Variants in EPHA6 observed in about 807,000 individuals in gnomAD.
EPHA6 encodes ephrin type-A receptor 6.
Under a neutral mutation model 112.0 loss-of-function variants are expected in EPHA6, and 50 were observed. The observed-to-expected ratio is 0.45, with a 90% CI of 0.36 to 0.56. The LOEUF (loss-of-function observed/expected upper bound fraction) is 0.56, where lower values mean the gene tolerates loss of function less well. Ranked by LOEUF, EPHA6 falls within the 20% of genes least tolerant of loss-of-function variation. The pLI is 0.00. For synonymous variants in EPHA6, 529 were observed against 490.7 expected, an observed-to-expected ratio of 1.08 and a Z score of -1.03; for missense variants, 1,280 against 1,417.4, an observed-to-expected ratio of 0.90 and a Z score of 1.56.
At chr3:97,307,117 A>G (rs186422445) in intron 5 of EPHA6, among the ~76,000 whole-genome samples, 4 of 151,898 alleles carry the variant, frequency 2.6e-5, no homozygotes, top group Admixed American at 2.6e-4. Context: ...CTAACAATGC[A>G]TTTTATTTTA....
intron 10 of EPHA6, among the ~76,000 whole-genome samples, chr3:97,510,304 G>C (rs1320712176): frequency 6.6e-6 from 1 of 152,166 alleles, no homozygotes; most frequent in Non-Finnish European, 1.5e-5. Context: ...TTTTGTGCTG[G>C]TTTTTCCTCA....
chr3:97,659,754 C>T (rs908373911), intron 14 of EPHA6, among the ~76,000 whole-genome samples: 11 of 151,912 alleles, frequency 7.2e-5, no homozygotes, highest in African/African-American at 2.7e-4. Context: ...ATAAGTGGTA[C>T]TTATTATGCT....
In EPHA6 at chr3:97,460,110, G is replaced by C. The variant is rs534532776; in HGVS notation, c.1894+11380G>C. ...ACCAAAACTGACATGCCATGCAAAG[G>C]CATTTGTCTCAGGCTCAGTAACATA... On this transcript the variant is annotated intron_variant, in intron 7 of 17. Transcript: ENST00000389672. Among the ~76,000 whole-genome samples the C allele has an allele frequency of 3.9e-5, 6 of 152,310 alleles. No individual in the cohort carries two copies. The South Asian group carries it at 1.0e-3, about 26-fold the overall frequency.
intron 11 of EPHA6, among the ~76,000 whole-genome samples, chr3:97,582,582 T>C (rs1297082725): frequency 6.6e-6 from 1 of 152,204 alleles, no homozygotes; most frequent in Non-Finnish European, 1.5e-5. Flanking sequence ...ATACATGTCA[T>C]ACATTTATCA....
At chr3:97,719,609 CAATTT>C (rs1296558825) in intron 14 of EPHA6, among the ~76,000 whole-genome samples, 2 of 152,004 alleles carry the variant, frequency 1.3e-5, no homozygotes, top group African/African-American at 4.8e-5. Flanking sequence ...TAAATTCATA[CAATTT>C]AATTCCTTTA....
At chr3:97,158,789 A>G (rs1652638669) in intron 3 of EPHA6, among the ~76,000 whole-genome samples, 1 of 152,292 alleles carries the variant, frequency 6.6e-6, no homozygotes, top group South Asian at 2.1e-4. Flanking sequence ...ACAATCAGAT[A>G]TGCATTTGTG....
chr3:97,170,423 G>A (rs571688598), intron 3 of EPHA6, among the ~76,000 whole-genome samples: 1 of 152,088 alleles, frequency 6.6e-6, no homozygotes, highest in Non-Finnish European at 1.5e-5. Flanking sequence ...GCAAGTTTAA[G>A]GCTTGTGCTG....
chr3:97,594,364 T>C (rs1359270234), intron 12 of EPHA6, among the ~76,000 whole-genome samples: 1 of 152,222 alleles, frequency 6.6e-6, no homozygotes, highest in Non-Finnish European at 1.5e-5. Context: ...CTTCTAGGCT[T>C]TAAGCCAAAT....
chr3:96,897,417 C>A (rs1255051641), intron 2 of EPHA6, among the ~76,000 whole-genome samples: 3 of 152,096 alleles, frequency 2.0e-5, no homozygotes, highest in Non-Finnish European at 4.4e-5. Flanking sequence ...CTATACTTTT[C>A]TTCTGGCTTT....
At chr3:97,581,590 G>T (rs893207875) in intron 11 of EPHA6, among the ~76,000 whole-genome samples, 2 of 152,236 alleles carry the variant, frequency 1.3e-5, no homozygotes, top group African/African-American at 4.8e-5. Context: ...TCTATTTTGT[G>T]CCAGGCACTT....
intron 3 of EPHA6, among the ~76,000 whole-genome samples, chr3:97,083,596 AG>A (rs2046794205): frequency 6.6e-6 from 1 of 151,874 alleles, no homozygotes; most frequent in Admixed American, 6.6e-5. Flanking sequence ...AATGATTCCC[AG>A]GTCTTTTTTT....
intron 6 of EPHA6, among the ~76,000 whole-genome samples, chr3:97,416,996 T>C (rs2088182525): frequency 6.6e-6 from 1 of 152,142 alleles, no homozygotes; most frequent in Admixed American, 6.6e-5. Flanking sequence ...CATAAAATAA[T>C]ACATTTGATT....
intron 2 of EPHA6, among the ~76,000 whole-genome samples, chr3:96,964,499 A>C (rs988598366): frequency 6.6e-6 from 1 of 152,068 alleles, no homozygotes; most frequent in Non-Finnish European, 1.5e-5. Flanking sequence ...TGGTTTTTAT[A>C]GATAACATTG....
intron 3 of EPHA6, among the ~76,000 whole-genome samples, chr3:97,113,360 GC>G (rs767644966): frequency 8.6e-5 from 13 of 151,958 alleles, no homozygotes; most frequent in Non-Finnish European, 1.6e-4. Flanking sequence ...AGATGCAGTT[GC>G]CAAAAAAGAC....
At chr3:97,598,224 CAA>C (rs1429514865) in intron 12 of EPHA6, among the ~76,000 whole-genome samples, 1 of 151,066 alleles carries the variant, frequency 6.6e-6, no homozygotes, top group Non-Finnish European at 1.5e-5. Context: ...TATTTAAAAA[CAA>C]GAGATGATTA....
At chr3:96,888,955 T>G (rs1359486106) in intron 2 of EPHA6, among the ~76,000 whole-genome samples, 1 of 151,224 alleles carries the variant, frequency 6.6e-6, no homozygotes, top group African/African-American at 2.5e-5. Context: ...AGTCACATCT[T>G]GAATGCTTTG....
intron 3 of EPHA6, among the ~76,000 whole-genome samples, chr3:97,210,849 A>C (rs926811572): frequency 6.6e-6 from 1 of 152,214 alleles, no homozygotes; most frequent in Non-Finnish European, 1.5e-5. Context: ...CTGGATTGGC[A>C]GGAGTGGGGA....
chr3:97,553,331 C>T (rs991944382), intron 11 of EPHA6, among the ~76,000 whole-genome samples: 6 of 152,052 alleles, frequency 3.9e-5, no homozygotes, highest in Admixed American at 3.3e-4. Flanking sequence ...CCCTCATGTC[C>T]TCACAAGGCT....
intron 11 of EPHA6, among the ~76,000 whole-genome samples, chr3:97,581,466 G>A (rs775618509): frequency 2.4e-4 from 37 of 152,112 alleles, no homozygotes; most frequent in Admixed American, 6.5e-5. Flanking sequence ...GTATTAAAAT[G>A]AGAAGCTTCT....
Sources: allele counts gnomAD v4.1 joint callset (sites outside exome capture counted in the v4.1 genomes callset), GRCh38; gene constraint gnomAD v4.1.1; transcripts MANE v1.5; gene names NCBI Gene and HGNC (gene_info 2026-07-23, HGNC 2026-07-21).